TLE6: variants seen among roughly 807,000 people sequenced by gnomAD.
TLE6 encodes the protein TLE family member 6, subcortical maternal complex member, also known as transducin-like enhancer protein 6.
Under a neutral mutation model 77.1 loss-of-function variants are expected in TLE6, and 72 were observed. The observed-to-expected ratio is 0.93, with a 90% CI of 0.77 to 1.14. TLE6 has a LOEUF of 1.14. Among genes scored for constraint, TLE6 ranks in the 50% most tolerant of loss-of-function variants. The probability of loss-of-function intolerance (pLI) is 0.00; values close to 1 mark genes in which losing one functional copy is unlikely to be tolerated. For synonymous variants in TLE6, 366 were observed against 287.3 expected (o/e 1.27, Z -2.77); for missense variants, 843 against 747.6 (o/e 1.13, Z -1.49).
intron 7 of TLE6, 44 bp downstream of exon 7, chr19:2,987,282 G>C (rs140473661): frequency 6.2e-7 from 1 of 1,614,178 alleles, no homozygotes; most frequent in Non-Finnish European, 8.5e-7. Context: ...GCCACAGGCT[G>C]CGTCTCAGGG....
At chr19:2,980,203 C>T (rs1483022840) in intron 3 of TLE6, 21 bp downstream of exon 3, 20 of 1,540,100 alleles carry the variant, frequency 1.3e-5, no homozygotes, top group African/African-American at 2.8e-5. Context: ...TTCCAGGGGC[C>T]GGAGGTCTCA....
chr19:2,992,347 C>T (rs1241602535), intron 14 of TLE6, among the ~76,000 whole-genome samples: 1 of 152,144 alleles, frequency 6.6e-6, no homozygotes, highest in Admixed American at 6.5e-5. Flanking sequence ...TGGCACATGC[C>T]TATAATCCCA....
intron 12 of TLE6, 75 bp from the exon 13 acceptor site, chr19:2,989,460 C>A: frequency 6.4e-7 from 1 of 1,570,318 alleles, no homozygotes; most frequent in Non-Finnish European, 8.6e-7. Flanking sequence ...AATAGGAGTT[C>A]GCTCTCATGA....
rs771254401 is a variant in TLE6 at position 2,995,143 on chromosome 19, G to T, written c.*139G>T. ...ACGATCTAGTCTGTGGTGTAGACTGGTCGCCATCACGTGTAATAAAGCACC... is the reference window on the plus strand; with the variant it reads ...ACGATCTAGTCTGTGGTGTAGACTGTTCGCCATCACGTGTAATAAAGCACC... On this transcript the variant is annotated 3_prime_UTR_variant, in exon 17 of 17. Transcript: ENST00000246112. 1 of 545,182 alleles carries T rather than the reference G, an allele frequency of 1.8e-6. No homozygotes were observed. The highest frequency in any genetic ancestry group is 3.3e-6 in the Non-Finnish European group (1 of 306,538). The allele number at this position is 545,182 out of a possible 1,614,324, so 33.8% of individuals were successfully genotyped here. A position where few individuals can be genotyped will look rare whatever the true frequency, so the allele number is the denominator to read the frequency against.
intron 15 of TLE6, 105 bp from the exon 16 acceptor site, chr19:2,993,914 C>A (rs1163952763): frequency 4.2e-6 from 4 of 945,548 alleles, no homozygotes; most frequent in Admixed American, 4.6e-5. Context: ...GAGTGAGACC[C>A]TGTCTCAAAA....
In TLE6 at chr19:2,987,227, C is replaced by A; in HGVS notation, c.530C>A (p.Pro177His). ...FAGVHDEKAK[P>H]RDRQQAPGLG... The stretch of plus-strand genomic sequence containing the variant: ...GGCGTCCACGATGAGAAGGCAAAGC[C>A]CAGAGACAGACGTGAGTGTCCCTGA... Residue 177 changes from proline to histidine, a missense_variant, in exon 7 of 17, where the codon CCC (proline) becomes CAC (histidine). Pro to His is a moderately conservative substitution (Grantham distance 77). Coordinates refer to ENST00000246112, the MANE Select transcript of TLE6 (RefSeq NM_001143986.2). The A allele has an allele frequency of 6.2e-7, 1 of 1,614,144 alleles. No homozygotes were observed. The highest frequency in any genetic ancestry group is 8.5e-7 in the Non-Finnish European group (1 of 1,180,022).
At chr19:2,982,118 C>G in intron 4 of TLE6, 30 bp from the exon 5 acceptor site, 2 of 1,551,502 alleles carry the variant, frequency 1.3e-6, no homozygotes, top group Non-Finnish European at 1.7e-6. Context: ...CGGACCACCT[C>G]CCGATGGGAT....
At chr19:2,987,549 C>T (rs2088943776) in intron 8 of TLE6, 175 bp from the exon 9 acceptor site, 3 of 1,118,132 alleles carry the variant, frequency 2.7e-6, no homozygotes, top group Admixed American at 2.0e-5. Context: ...GCCCAGGACC[C>T]ACAGCCCAGG....
rs1167753292 is a variant in TLE6, at chr19:2,993,534, G to T, written c.1489G>T (p.Val497Leu). 6.3e-7 allele frequency: 1 copy of T among 1,589,814 alleles called. No individual in the cohort carries two copies. The highest frequency in any genetic ancestry group is 8.6e-7 in the Non-Finnish European group (1 of 1,161,968). The change falls in exon 15 of 17, where the codon GTG becomes TTG. Residue 497 changes from valine (V) to leucine (L), a missense_variant. By Grantham distance (32) the Val-to-Leu change is conservative (BLOSUM62 1). Coordinates refer to ENST00000246112, the MANE Select transcript of TLE6 (RefSeq NM_001143986.2). ...QSTSGSQRHM[V>L]GQKDSVILSV... Reference sequence around the variant, plus strand: ...CACCAGCGGGAGCCAGCGGCACATGGTGGGGCAAAAAGACAGCGTCATCCT... The same window carrying T: ...CACCAGCGGGAGCCAGCGGCACATGTTGGGGCAAAAAGACAGCGTCATCCT...
intron 13 of TLE6, among the ~76,000 whole-genome samples, chr19:2,990,660 AATATATACATAAATAT>A (rs759533917): frequency 0.27 from 38,879 of 141,756 alleles, 6,631 homozygotes; most frequent in African/African-American, 0.5. Flanking sequence ...TAAATACATA[AATATATACATAAATAT>A]ATACATAAAT....
At position 2,993,465 on chromosome 19, in the gene TLE6, T is replaced by A. The variant is rs1599174369; in HGVS notation, c.1420T>A (p.Trp474Arg). Residue 474 changes from tryptophan (W) to arginine (R), a missense_variant, in exon 15 of 17, where the codon TGG becomes AGG. Transcript: ENST00000246112. ...MSLSHSPQEDWVLLGMANGQQ... is the reference protein window; with the variant it reads ...MSLSHSPQEDRVLLGMANGQQ... The stretch of plus-strand genomic sequence containing the variant: ...CCTGTCCCACAGCCCCCAGGAGGAC[T>A]GGGTGCTGCTGGGCATGGCCAATGG... 5 of 1,603,486 alleles carry A rather than the reference T, an allele frequency of 3.1e-6. No homozygotes were observed. The African/African-American group carries it at 4.0e-5, about 13-fold the overall frequency.
intron 11 of TLE6, among the ~76,000 whole-genome samples, chr19:2,988,650 A>G (rs11671039): frequency 0.055 from 8,317 of 152,170 alleles, 276 homozygotes; most frequent in Middle Eastern, 0.071. Flanking sequence ...ACTGGGCTCA[A>G]GGCATTTGGG....
chr19:2,989,397 G>GGA, intron 12 of TLE6, 84 bp downstream of exon 12: 1 of 1,587,276 alleles, frequency 6.3e-7, no homozygotes, highest in Non-Finnish European at 8.6e-7. Flanking sequence ...CCCAGATCGT[G>GGA]GAGAGAGGGC....
intron 12 of TLE6, 64 bp downstream of exon 12, chr19:2,989,377 T>G: frequency 6.3e-7 from 1 of 1,599,116 alleles, no homozygotes. Context: ...GAGGTTTGAG[T>G]CTGGCAGAGC....
In TLE6 at chr19:2,994,063, T is replaced by C. The variant is rs1426114280; in HGVS notation, c.1582T>C (p.Tyr528His). Residue 528 changes from tyrosine (Y) to histidine (H), a missense_variant, in exon 16 of 17, where the codon TAC becomes CAC. Tyr to His is a moderately conservative substitution (Grantham distance 83, BLOSUM62 2). Transcript: ENST00000246112. ...SVGMDDFLGV[Y>H]SMPAGTKVFE... ...TGGAATGGACGACTTCCTTGGCGTC[T>C]ACAGCATGCCGGCGGGGACAAAAGT... 2 of 1,608,530 alleles carry C rather than the reference T, an allele frequency of 1.2e-6. No individual in the cohort carries two copies. Among genetic ancestry groups the C allele is most frequent in the Admixed American group, 1.7e-5 (1 of 59,010 alleles).
Position 2,993,497 on chromosome 19 carries a change from G to C in TLE6, c.1452G>C (p.Gln484His). ...TGCTGGGCATGGCCAATGGCCAGCA[G>C]TGGCTGCAAAGCACCAGCGGGAGCC... ...WVLLGMANGQQWLQSTSGSQR... is the reference protein window; with the variant it reads ...WVLLGMANGQHWLQSTSGSQR... Residue 484 changes from glutamine (Q) to histidine (H), a missense_variant, in exon 15 of 17, where the codon CAG (glutamine) becomes CAC (histidine). Physicochemically the swap from Gln to His is conservative, Grantham distance 24. Coordinates refer to ENST00000246112, the MANE Select transcript of TLE6 (RefSeq NM_001143986.2). 1 of 1,599,646 alleles carries C rather than the reference G, an allele frequency of 6.3e-7. No individual in the cohort carries two copies. The highest frequency in any genetic ancestry group is 2.3e-5 in the East Asian group (1 of 44,164).
At chr19:2,980,887 A>C (rs2088784481) in intron 3 of TLE6, among the ~76,000 whole-genome samples, 1 of 151,448 alleles carries the variant, frequency 6.6e-6, no homozygotes, top group African/African-American at 2.4e-5. Flanking sequence ...CCATCTCTTA[A>C]AAAATAAAAA....
chr19:2,981,725 C>CTATGGGAGG, intron 4 of TLE6, 142 bp downstream of exon 4: 1 of 932,560 alleles, frequency 1.1e-6, no homozygotes, highest in Admixed American at 2.3e-5. Context: ...AATCCCAGCA[C>CTATGGGAGG]TATGGGAGGG....
Position 2,988,060 on chromosome 19 carries a change from T to G in TLE6, c.703-31T>G, listed in dbSNP as rs747484348. On this transcript the variant is annotated intron_variant, in intron 10 of 16. Transcript: ENST00000246112. ...GGTGGGCACAGATGTGCGGGGAGGCTGGGGGCAGCTGTGATCTCCCCCGCC... is the reference window on the plus strand; with the variant it reads ...GGTGGGCACAGATGTGCGGGGAGGCGGGGGGCAGCTGTGATCTCCCCCGCC... The G allele has an allele frequency of 1.9e-6, 3 of 1,554,502 alleles. No homozygotes were observed. The South Asian group carries it at 3.5e-5, about 18-fold the overall frequency.
Sources: allele counts gnomAD v4.1 joint callset (sites outside exome capture counted in the v4.1 genomes callset), GRCh38; gene constraint gnomAD v4.1.1; transcripts MANE v1.5; gene names NCBI Gene and HGNC (gene_info 2026-07-23, HGNC 2026-07-21).